LMO7: variants seen among roughly 807,000 people sequenced by gnomAD.
LMO7 encodes the protein LIM domain 7.
In LMO7, 120 loss-of-function variants were observed where a neutral mutation model predicts 206.5. The ratio of observed to expected loss-of-function variants is 0.58; its 90% CI spans 0.50 to 0.68. The LOEUF is 0.68. Ranked by LOEUF, LMO7 falls within the 30% of genes least tolerant of loss-of-function variation. LMO7 has a pLI of 0.00. For missense variants in LMO7, 1,959 were observed against 1,957.9 expected, an observed-to-expected ratio of 1.00 and a Z score of -0.01; for synonymous variants, 706 against 681.5, an observed-to-expected ratio of 1.04 and a Z score of -0.56.
chr13:75,852,946 G>T lies in LMO7; in HGVS notation c.4365-146G>T, dbSNP rs1183921411. 8 of 652,878 alleles carry T rather than the reference G, an allele frequency of 1.2e-5. No individual in the cohort carries two copies. In the Admixed American group the frequency reaches 2.5e-4, roughly 21 times the overall value. The allele number at this position is 652,878 out of a possible 1,614,324, so 40.4% of individuals were successfully genotyped here. On this transcript the variant is annotated intron_variant, in intron 27 of 30. Coordinates refer to ENST00000377534, the MANE Select transcript of LMO7 (RefSeq NM_001306080.2). Reference sequence around the variant, plus strand: ...CATAACCCCATCATCATACATCAAGGAACATCTGTATATGTAACTAGAATA... The same window carrying T: ...CATAACCCCATCATCATACATCAAGTAACATCTGTATATGTAACTAGAATA...
At chr13:75,845,040 C>T (rs540766453) in intron 25 of LMO7, among the ~76,000 whole-genome samples, 1 of 152,234 alleles carries the variant, frequency 6.6e-6, no homozygotes, top group East Asian at 1.9e-4. Flanking sequence ...ACATCGACAA[C>T]AATTGATCAA....
At chr13:75,742,371 G>GA (rs565788894) in intron 3 of LMO7, among the ~76,000 whole-genome samples, 1 of 151,830 alleles carries the variant, frequency 6.6e-6, no homozygotes, top group Non-Finnish European at 1.5e-5. Context: ...CACAGAACTG[G>GA]AAAAAAAATT....
At chr13:75,817,486 C>G (rs779819380) in intron 12 of LMO7, among the ~76,000 whole-genome samples, 3 of 151,406 alleles carry the variant, frequency 2.0e-5, no homozygotes, top group African/African-American at 4.9e-5. Flanking sequence ...AAAAATATAC[C>G]TGGATGTTTA....
intron 7 of LMO7, among the ~76,000 whole-genome samples, chr13:75,801,566 C>T (rs1287950761): frequency 6.6e-6 from 1 of 152,170 alleles, no homozygotes. Context: ...AGCTTATGGT[C>T]AGTTCAGTTA....
At chr13:75,785,022 TG>T (rs145570870) in intron 4 of LMO7, among the ~76,000 whole-genome samples, 2,597 of 152,224 alleles carry the variant, frequency 0.017, 24 homozygotes, top group Middle Eastern at 0.041. Context: ...AATTCTGTAG[TG>T]TGTTGTATAT....
chr13:75,761,445 TTAGA>T (rs1218691000), intron 4 of LMO7, among the ~76,000 whole-genome samples: 2 of 152,226 alleles, frequency 1.3e-5, no homozygotes, highest in African/African-American at 2.4e-5. Context: ...AGCATAAAAA[TTAGA>T]TAGGACAGTA....
In LMO7 at chr13:75,823,655, G is replaced by A. The variant is rs370412695; in HGVS notation, c.2731G>A (p.Ala911Thr). 239 of 1,613,980 alleles carry A rather than the reference G, an allele frequency of 1.5e-4. No individual in the cohort carries two copies. The highest frequency in any genetic ancestry group is 1.9e-4 in the Non-Finnish European group (221 of 1,180,000). ...VVSTPAPSPDASQLASSLSSQ... is the reference protein window; with the variant it reads ...VVSTPAPSPDTSQLASSLSSQ... ...CAGCACCCCTGCACCAAGCCCGGAC[G>A]CAAGCCAACTGGCTTCAAGCTTATC... Residue 911 changes from alanine to threonine, a missense_variant, in exon 15 of 31, where the codon GCA becomes ACA. Physicochemically the swap from Ala to Thr is moderately conservative, Grantham distance 58 (BLOSUM62 0). Coordinates refer to ENST00000377534, the MANE Select transcript of LMO7 (RefSeq NM_001306080.2).
chr13:75,726,911 G>T (rs770075813), intron 2 of LMO7, 118 bp from the exon 3 acceptor site: 18 of 667,526 alleles, frequency 2.7e-5, no homozygotes, highest in Non-Finnish European at 4.9e-5. Flanking sequence ...ATGGGCTGTT[G>T]GCTCTCTGTA....
At chr13:75,759,716 C>T (rs185665063) in intron 3 of LMO7, among the ~76,000 whole-genome samples, 9 of 152,282 alleles carry the variant, frequency 5.9e-5, no homozygotes, top group Admixed American at 3.9e-4. Context: ...TAATCAGTGG[C>T]GCTTTTCTCT....
rs191950925 is a variant in LMO7, at chr13:75,708,959, C to A, written c.70-4223C>A. 9.4e-3 allele frequency among the ~76,000 whole-genome samples: 1,425 copies of A among 152,192 alleles called. 23 individuals are homozygous for A. Among genetic ancestry groups the A allele is most frequent in the East Asian group, 0.056 (288 of 5,166 alleles). On this transcript the variant is annotated intron_variant, in intron 1 of 30. Transcript: ENST00000377534. The stretch of plus-strand genomic sequence containing the variant: ...CTATCCCTCCCCGCTCCCCCCACCC[C>A]ACAACAGGCCCCGGTGTGTGATGTT...
intron 3 of LMO7, among the ~76,000 whole-genome samples, chr13:75,743,859 C>T (rs912071415): frequency 6.6e-6 from 1 of 151,992 alleles, no homozygotes; most frequent in African/African-American, 2.4e-5. Flanking sequence ...AACAAAAACC[C>T]CACGAAAACA....
chr13:75,786,299 C>T (rs902206128), intron 4 of LMO7, among the ~76,000 whole-genome samples: 3 of 152,140 alleles, frequency 2.0e-5, no homozygotes, highest in Non-Finnish European at 2.9e-5. Flanking sequence ...GCTGGTTTCT[C>T]CTCTACTTCT....
chr13:75,689,039 G>A (rs2041246037), intron 1 of LMO7: 1 of 152,118 alleles, frequency 6.6e-6, no homozygotes, highest in Admixed American at 6.6e-5. Flanking sequence ...CTCTGTATAT[G>A]CATTGACATT....
In LMO7 at chr13:75,808,183, A is replaced by C. The variant is rs2055793172; in HGVS notation, c.1900A>C (p.Arg634=). The C allele has an allele frequency of 6.2e-7, 1 of 1,612,036 alleles. No homozygotes were observed. Among genetic ancestry groups the C allele is most frequent in the African/African-American group, 1.3e-5 (1 of 74,850 alleles). Reference sequence around the variant, plus strand: ...GGCCAGCAGACTTAGGCACAAGAAAAGGCTGATGGTGGAGAGGTCAGAGTG... The same window carrying C: ...GGCCAGCAGACTTAGGCACAAGAAACGGCTGATGGTGGAGAGGTCAGAGTG... The part of the protein sequence containing the change: ...REASRLRHKK[R]LMVERLFQKI... Residue 634 remains arginine, a synonymous_variant, in exon 10 of 31, where the codon AGG becomes CGG. Transcript: ENST00000377534.
At chr13:75,795,367 G>T (rs1352488461) in intron 4 of LMO7, 34 bp from the exon 5 acceptor site, 2 of 1,446,752 alleles carry the variant, frequency 1.4e-6, no homozygotes, top group East Asian at 4.7e-5. Flanking sequence ...AAGGTTCACG[G>T]ATATTACCTA....
At chr13:75,708,006 T>A (rs1691896677) in intron 1 of LMO7, among the ~76,000 whole-genome samples, 1 of 152,180 alleles carries the variant, frequency 6.6e-6, no homozygotes, top group Admixed American at 6.5e-5. Flanking sequence ...ATATTCTAAA[T>A]ATAACTAACT....
At chr13:75,754,520 AC>A (rs2047520441) in intron 3 of LMO7, among the ~76,000 whole-genome samples, 1 of 152,180 alleles carries the variant, frequency 6.6e-6, no homozygotes, top group African/African-American at 2.4e-5. Flanking sequence ...TAGGATATAT[AC>A]CTGGGGGAAG....
intron 2 of LMO7, among the ~76,000 whole-genome samples, chr13:75,630,938 G>A (rs1444829056): frequency 6.6e-6 from 1 of 152,100 alleles, no homozygotes. Flanking sequence ...TTACAGGCGT[G>A]AGCCACCGTG....
chr13:75,641,538 C>T (rs559469136), intron 1 of LMO7, among the ~76,000 whole-genome samples: 42 of 152,286 alleles, frequency 2.8e-4, no homozygotes, highest in African/African-American at 9.9e-4. Flanking sequence ...CATTAATCTC[C>T]ATTTCTTTGG....
Sources: allele counts gnomAD v4.1 joint callset (sites outside exome capture counted in the v4.1 genomes callset), GRCh38; gene constraint gnomAD v4.1.1; transcripts MANE v1.5; gene names NCBI Gene and HGNC (gene_info 2026-07-23, HGNC 2026-07-21).